RABGAP1: variants seen among roughly 807,000 people sequenced by gnomAD.
The protein encoded by RABGAP1 is RAB GTPase activating protein 1, also known as rab GTPase-activating protein 1.
Under a neutral mutation model 137.6 loss-of-function variants are expected in RABGAP1, and 23 were observed. The observed-to-expected ratio is 0.17, with a 90% CI of 0.12 to 0.24. The LOEUF (loss-of-function observed/expected upper bound fraction) is 0.24, where lower values mean the gene tolerates loss of function less well. Ranked by LOEUF, RABGAP1 falls within the 10% of genes least tolerant of loss-of-function variation. The pLI is 1.00. For synonymous variants in RABGAP1, 451 were observed against 450.7 expected, an observed-to-expected ratio of 1.00 and a Z score of -0.01; for missense variants, 906 against 1,275.8, an observed-to-expected ratio of 0.71 and a Z score of 4.42.
Position 122,984,738 on chromosome 9 carries a change from C to T in RABGAP1, c.385+19C>T, listed in dbSNP as rs1191204612. 1 of 1,601,284 alleles carries T rather than the reference C, an allele frequency of 6.2e-7. No individual in the cohort carries two copies. The highest frequency in any genetic ancestry group is 1.1e-5 in the South Asian group (1 of 90,780). ...CAAGGAGGTTAGGATTGCTGCATTG[C>T]TTGCGTAACTGAAGGTTATTGTTTT... On this transcript the variant is annotated intron_variant, in intron 3 of 25. Coordinates refer to ENST00000373647, the MANE Select transcript of RABGAP1 (RefSeq NM_012197.4).
intron 2 of RABGAP1, among the ~76,000 whole-genome samples, chr9:122,964,518 A>G (rs1034261383): frequency 6.6e-6 from 1 of 152,138 alleles, no homozygotes; most frequent in African/African-American, 2.4e-5. Flanking sequence ...ATCTAACACC[A>G]TTTCATGAAA....
At chr9:123,100,176 GCTTT>G (rs1009047650) in intron 24 of RABGAP1, among the ~76,000 whole-genome samples, 1 of 152,018 alleles carries the variant, frequency 6.6e-6, no homozygotes, top group Non-Finnish European at 1.5e-5. Context: ...ATAACATGGT[GCTTT>G]CTTTCTTTAA....
intron 1 of RABGAP1, among the ~76,000 whole-genome samples, chr9:122,954,682 C>G (rs1219108803): frequency 6.6e-6 from 1 of 152,106 alleles, no homozygotes. Flanking sequence ...GAAAACTTCT[C>G]TTGAAGTACA....
chr9:123,081,094 C>T (rs2034692853), intron 19 of RABGAP1, among the ~76,000 whole-genome samples: 1 of 152,188 alleles, frequency 6.6e-6, no homozygotes, highest in Non-Finnish European at 1.5e-5. Flanking sequence ...TCCACTTCCA[C>T]TTAGTGAATA....
intron 13 of RABGAP1, among the ~76,000 whole-genome samples, chr9:123,056,139 G>C (rs2033684201): frequency 6.6e-6 from 1 of 152,206 alleles, no homozygotes; most frequent in Non-Finnish European, 1.5e-5. Flanking sequence ...GATGCTAGGT[G>C]TGCTCCTTGC....
intron 10 of RABGAP1, among the ~76,000 whole-genome samples, chr9:123,003,370 C>G (rs1039931158): frequency 2.6e-5 from 4 of 152,094 alleles, no homozygotes; most frequent in Admixed American, 2.0e-4. Flanking sequence ...AAGTCTCTGC[C>G]AGGACACTCT....
At chr9:122,996,896 A>G in intron 8 of RABGAP1, 1 of 452,558 alleles carries the variant, frequency 2.2e-6, no homozygotes, top group Non-Finnish European at 4.0e-6. Flanking sequence ...AGAATGATTT[A>G]TAGACTGTCG....
At position 123,098,744 on chromosome 9, in the gene RABGAP1, C is replaced by T; in HGVS notation, c.2763C>T (p.Asp921=). The part of the protein sequence containing the change: ...QLKEMCRREL[D]KAESEIKKNS... ...AAGAAATGTGCCGTCGGGAACTCGA[C>T]AAGGCAGAATCTGAGATTAAAAAAA... The change falls in exon 23 of 26, where the codon GAC becomes GAT. Residue 921 remains aspartate (D), a synonymous_variant. Coordinates refer to ENST00000373647, the MANE Select transcript of RABGAP1 (RefSeq NM_012197.4). 1 of 1,613,884 alleles carries T rather than the reference C, an allele frequency of 6.2e-7. No homozygotes were observed. Among genetic ancestry groups the T allele is most frequent in the Non-Finnish European group, 8.5e-7 (1 of 1,179,910 alleles).
In RABGAP1 at chr9:122,957,611, AT is replaced by A. The variant is rs879351740; in HGVS notation, c.150+413del. Among the ~76,000 whole-genome samples the A allele has an allele frequency of 5.0e-3, 739 of 146,512 alleles. 2 individuals carry two copies. Among genetic ancestry groups the A allele is most frequent in the African/African-American group, 9.4e-3 (375 of 39,940 alleles). Reference sequence around the variant, plus strand: ...TTGAAACAACTTTAAATACCTGGCCATTTTTTTTTTTATAATTTCTCAGCCA... The same window carrying A: ...TTGAAACAACTTTAAATACCTGGCCATTTTTTTTTTATAATTTCTCAGCCA... On this transcript the variant is annotated intron_variant, in intron 2 of 25. Transcript: ENST00000373647.
chr9:123,002,743 C>T (rs1021975951), intron 10 of RABGAP1, among the ~76,000 whole-genome samples: 1 of 151,774 alleles, frequency 6.6e-6, no homozygotes, highest in Non-Finnish European at 1.5e-5. Flanking sequence ...AATAACATAA[C>T]TTCTATTAAT....
At chr9:123,005,038 A>G (rs557728393) in intron 10 of RABGAP1, among the ~76,000 whole-genome samples, 1 of 145,366 alleles carries the variant, frequency 6.9e-6, no homozygotes, top group Non-Finnish European at 1.5e-5. Flanking sequence ...CCTGGGCAAC[A>G]AGAGTGAAAC....
intron 2 of RABGAP1, among the ~76,000 whole-genome samples, chr9:122,973,974 T>C (rs1178511230): frequency 2.0e-5 from 3 of 150,208 alleles, no homozygotes; most frequent in Non-Finnish European, 3.0e-5. Context: ...GCCACTGCAC[T>C]CCAGCCTGGG....
At position 122,952,538 on chromosome 9, in the gene RABGAP1, G is replaced by A. The variant is rs563141874; in HGVS notation, c.-49-4473G>A. 9.9e-5 allele frequency among the ~76,000 whole-genome samples: 15 copies of A among 152,246 alleles called. No individual in the cohort carries two copies. In the South Asian group the frequency reaches 3.1e-3, roughly 32 times the overall value. The stretch of plus-strand genomic sequence containing the variant: ...CCGCCTCGGCCTCCCAAAGTGCTGG[G>A]ATTACAGATGTGAGTCACTGTGCCT... On this transcript the variant is annotated intron_variant, in intron 1 of 25. Coordinates refer to ENST00000373647, the MANE Select transcript of RABGAP1 (RefSeq NM_012197.4).
chr9:123,047,324 G>A (rs1415414332), intron 13 of RABGAP1, among the ~76,000 whole-genome samples: 2 of 152,170 alleles, frequency 1.3e-5, no homozygotes, highest in Non-Finnish European at 2.9e-5. Context: ...CTGCTAGTGA[G>A]TTTGAAGGGT....
rs1324906944 is a variant in RABGAP1 at position 122,986,261 on chromosome 9, C to T, written c.432C>T (p.Ser144=). The change falls in exon 4 of 26, where the codon AGC becomes AGT. Residue 144 remains serine, a synonymous_variant. Coordinates refer to ENST00000373647, the MANE Select transcript of RABGAP1 (RefSeq NM_012197.4). ...SPFTPVADED[S]VVFSKLTYLG... is the part of the protein sequence containing the mutation. ...TCACACCAGTGGCCGATGAGGACAG[C>T]GTAGTTTTCAGTAAACTGACTTACT... 13 of 1,614,152 alleles carry T rather than the reference C, an allele frequency of 8.1e-6. No individual in the cohort carries two copies. The highest frequency in any genetic ancestry group is 5.5e-5 in the South Asian group (5 of 91,080).
At position 122,982,246 on chromosome 9, in the gene RABGAP1, T is replaced by C. The variant is rs1275763007; in HGVS notation, c.151-2239T>C. ...TATGTACATTACTTTTTCCTAGTTT[T>C]TAAGGAAGAGTTAAGGACATTGAAG... is the stretch of plus-strand genomic sequence containing the variant. On this transcript the variant is annotated intron_variant, in intron 2 of 25. Transcript: ENST00000373647. Among the ~76,000 whole-genome samples, 3 of 152,182 alleles carry C rather than the reference T, an allele frequency of 2.0e-5. No individual in the cohort carries two copies. In the East Asian group the frequency reaches 5.8e-4, roughly 29 times the overall value.
In RABGAP1 at chr9:123,101,496, G is replaced by T. The variant is rs1393055761; in HGVS notation, c.2890-70G>T. On this transcript the variant is annotated intron_variant, in intron 24 of 25. Transcript: ENST00000373647. ...AGCCGTCTCTTGGTGTCCCCCAAAG[G>T]AGATGCTCACACCATCCTAAAGGGC... The T allele has an allele frequency of 2.1e-6, 3 of 1,419,784 alleles. No homozygotes were observed. In the Admixed American group the frequency reaches 6.4e-5, roughly 30 times the overall value. The allele number at this position is 1,419,784 out of a possible 1,614,324, so 87.9% of individuals were successfully genotyped here.
rs1025957243 is a variant in RABGAP1, at chr9:122,957,112, C to G, written c.53C>G (p.Ser18Cys). The G allele has an allele frequency of 1.9e-6, 3 of 1,564,636 alleles. No homozygotes were observed. Among genetic ancestry groups the G allele is most frequent in the African/African-American group, 2.7e-5 (2 of 74,512 alleles). The part of the protein sequence containing the change: ...GKISVSSDSV[S>C]TLNSEDFVLV... ...ATCAGTGTCTCTTCAGACTCAGTAT[C>G]TACTCTTAATAGTGAAGATTTTGTC... Residue 18 changes from serine (S) to cysteine (C), a missense_variant, in exon 2 of 26, where the codon TCT becomes TGT. By Grantham distance (112) the Ser-to-Cys change is moderately radical (BLOSUM62 -1). Around this residue, in one of 9 missense-constraint regions of RABGAP1, gnomAD observed 331 missense variants for 358.3 expected, o/e 0.92. Coordinates refer to ENST00000373647, the MANE Select transcript of RABGAP1 (RefSeq NM_012197.4).
chr9:122,992,715 T>G (rs1179805179), intron 6 of RABGAP1, among the ~76,000 whole-genome samples: 1 of 148,332 alleles, frequency 6.7e-6, no homozygotes, highest in Admixed American at 6.8e-5. Flanking sequence ...ATAATAATAA[T>G]TATATATTAT....
Sources: gnomAD v4.1 joint callset for allele counts (sites outside exome capture counted in the v4.1 genomes callset) on GRCh38, gnomAD v4.1.1 for gene constraint, gnomAD v4.1.1 regional missense constraint, MANE v1.5 for transcripts, NCBI Gene and HGNC (gene_info 2026-07-23, HGNC 2026-07-21) for gene names.